The following ZHX2 variants were observed in gnomAD, a reference collection of about 807,000 sequenced individuals.
ZHX2 encodes the protein zinc fingers and homeoboxes 2.
Under a neutral mutation model 21.9 loss-of-function variants are expected in ZHX2, and 6 were observed. The ratio of observed to expected loss-of-function variants is 0.27; its 90% CI spans 0.15 to 0.54. The LOEUF is 0.54. ZHX2 is among the 20% of genes least tolerant of loss of function. ZHX2 has a pLI of 0.95. For missense variants in ZHX2, 908 were observed against 1,090.7 expected, an observed-to-expected ratio of 0.83 and a Z score of 2.36; for synonymous variants, 434 against 437.1, an observed-to-expected ratio of 0.99 and a Z score of 0.09.
intron 1 of ZHX2, among the ~76,000 whole-genome samples, chr8:122,818,908 G>C (rs895089492): frequency 6.6e-5 from 10 of 152,174 alleles, no homozygotes; most frequent in Non-Finnish European, 1.3e-4. Flanking sequence ...AGAGGCCATG[G>C]AGCCAAAGGA....
chr8:122,886,917 AT>A (rs1819854353), intron 2 of ZHX2, among the ~76,000 whole-genome samples: 1 of 152,146 alleles, frequency 6.6e-6, no homozygotes, highest in Admixed American at 6.6e-5. Flanking sequence ...TAGTATCTTT[AT>A]TTTATAAGAC....
chr8:122,952,105 G>A lies in ZHX2; in HGVS notation c.595G>A (p.Val199Met). 1 of 1,613,412 alleles carries A rather than the reference G, an allele frequency of 6.2e-7. No individual in the cohort carries two copies. Among genetic ancestry groups the A allele is most frequent in the African/African-American group, 1.3e-5 (1 of 74,790 alleles). Residue 199 changes from valine to methionine, a missense_variant, in exon 3 of 4, where the codon GTG becomes ATG. Physicochemically the swap from Val to Met is conservative, Grantham distance 21. Transcript: ENST00000314393. This position sits in a 1 kb window ranked among gnomAD's most constrained non-coding sequence, Gnocchi z 6.9. ...PGKPKADAKK[V>M]PKKPEEITPE... ...AAAACCAAAAGCGGATGCCAAGAAG[G>A]TGCCCAAGAAGCCCGAGGAGATCAC... is the stretch of plus-strand genomic sequence containing the variant.
intron 1 of ZHX2, among the ~76,000 whole-genome samples, chr8:122,812,660 A>G (rs1386261715): frequency 1.3e-5 from 2 of 152,174 alleles, no homozygotes; most frequent in African/African-American, 2.4e-5. Context: ...CAGATCTTCT[A>G]TGTTAACTAC....
chr8:122,818,858 A>G (rs1475781506), intron 1 of ZHX2, among the ~76,000 whole-genome samples: 1 of 152,088 alleles, frequency 6.6e-6, no homozygotes, highest in Admixed American at 6.5e-5. Context: ...GATGGTTGGG[A>G]CCTCCACAGA....
intron 2 of ZHX2, among the ~76,000 whole-genome samples, chr8:122,876,746 G>A (rs890807272): frequency 2.0e-5 from 3 of 152,216 alleles, no homozygotes; most frequent in Admixed American, 2.0e-4. Context: ...AGCCTTGTTT[G>A]CTTCCCGTCT....
chr8:122,902,585 C>A (rs1820257945), intron 2 of ZHX2, among the ~76,000 whole-genome samples: 2 of 152,184 alleles, frequency 1.3e-5, no homozygotes, highest in Admixed American at 6.5e-5. Flanking sequence ...GACCTTGAGT[C>A]AGGAGACTTG....
At chr8:122,921,676 A>AAGGG (rs1169678881) in intron 2 of ZHX2, among the ~76,000 whole-genome samples, 31 of 148,564 alleles carry the variant, frequency 2.1e-4, no homozygotes, top group African/African-American at 7.4e-4. Context: ...GAAAGTGAGG[A>AAGGG]AGGGAGGGAG....
At chr8:122,908,995 T>G (rs1406319594) in intron 2 of ZHX2, among the ~76,000 whole-genome samples, 2 of 152,208 alleles carry the variant, frequency 1.3e-5, no homozygotes, top group Non-Finnish European at 2.9e-5. Flanking sequence ...AGTTCTAACT[T>G]GTTCTATAAT....
intron 2 of ZHX2, among the ~76,000 whole-genome samples, chr8:122,865,043 A>G (rs931993324): frequency 1.3e-5 from 2 of 152,066 alleles, no homozygotes. Flanking sequence ...GTGGTTGTGC[A>G]CAGGCTGTAT....
intron 2 of ZHX2, among the ~76,000 whole-genome samples, chr8:122,933,537 T>TA (rs1478112117): frequency 6.6e-6 from 1 of 152,130 alleles, no homozygotes; most frequent in Non-Finnish European, 1.5e-5. Context: ...TGGCAGCTGT[T>TA]ACGATTCTTT....
intron 2 of ZHX2, among the ~76,000 whole-genome samples, chr8:122,904,637 G>A (rs189863039): frequency 2.0e-5 from 3 of 152,240 alleles, no homozygotes; most frequent in Non-Finnish European, 4.4e-5. Context: ...TGGAGAACCT[G>A]GACCCCTACT....
chr8:122,847,833 G>C (rs1161725799), intron 1 of ZHX2, among the ~76,000 whole-genome samples: 1 of 152,228 alleles, frequency 6.6e-6, no homozygotes, highest in Non-Finnish European at 1.5e-5. Flanking sequence ...GGTGGCTGCA[G>C]TCACGCCTGA....
At chr8:122,925,639 T>C (rs1432022991) in intron 2 of ZHX2, among the ~76,000 whole-genome samples, 2 of 151,990 alleles carry the variant, frequency 1.3e-5, no homozygotes, top group Admixed American at 1.3e-4. Context: ...TAGGAAGATT[T>C]TGGAGAGAGG....
At chr8:122,847,120 G>A (rs2130728898) in intron 1 of ZHX2, among the ~76,000 whole-genome samples, 1 of 152,270 alleles carries the variant, frequency 6.6e-6, no homozygotes, top group African/African-American at 2.4e-5. Context: ...TTCAAGTTGT[G>A]TTCCCAGATG....
chr8:122,789,520 G>C (rs1817469309), intron 1 of ZHX2, among the ~76,000 whole-genome samples: 1 of 152,260 alleles, frequency 6.6e-6, no homozygotes, highest in Non-Finnish European at 1.5e-5. Flanking sequence ...AGCCTGGTCA[G>C]AGCTGGATGT....
chr8:122,842,824 G>C (rs1188400653), intron 1 of ZHX2, among the ~76,000 whole-genome samples: 1 of 152,238 alleles, frequency 6.6e-6, no homozygotes, highest in Non-Finnish European at 1.5e-5. Context: ...CTGATGATCA[G>C]CCAGATTTGG....
chr8:122,781,175 GCA>G (rs1563727738), upstream of ZHX2: 1 of 152,208 alleles, frequency 6.6e-6, no homozygotes, highest in Non-Finnish European at 1.5e-5. This position sits in a 1 kb window ranked among gnomAD's most constrained non-coding sequence, Gnocchi z 4.6. Context: ...ACAGTCCCAC[GCA>G]AAGGGTCCCG....
intron 2 of ZHX2, among the ~76,000 whole-genome samples, chr8:122,921,694 G>A (rs7842348): frequency 0.022 from 3,399 of 152,066 alleles, 117 homozygotes; most frequent in African/African-American, 0.078. Flanking sequence ...GAGGGAGGGA[G>A]GAAGGAAGGA....
At chr8:122,961,330 A>G (rs759852259) in intron 3 of ZHX2, among the ~76,000 whole-genome samples, 8 of 152,204 alleles carry the variant, frequency 5.3e-5, no homozygotes, top group Non-Finnish European at 8.8e-5. Context: ...TAAAGGCACT[A>G]TCTCCAAATA....
Sources: gnomAD v4.1 joint callset for allele counts (sites outside exome capture counted in the v4.1 genomes callset) on GRCh38, gnomAD v4.1.1 for gene constraint, Gnocchi (gnomAD v3.1) non-coding constraint, MANE v1.5 for transcripts, NCBI Gene and HGNC (gene_info 2026-07-23, HGNC 2026-07-21) for gene names.